STPG4: variants seen among roughly 807,000 people sequenced by gnomAD.
STPG4 encodes protein STPG4.
In STPG4, 41 loss-of-function variants were observed where a neutral mutation model predicts 31.5. The observed-to-expected ratio is 1.30, with a 90% CI of 1.01 to 1.69. The LOEUF is 1.69. Among genes scored for constraint, STPG4 ranks in the 40% most tolerant of loss-of-function variants. The probability of loss-of-function intolerance (pLI) is 0.00; values close to 1 mark genes in which losing one functional copy is unlikely to be tolerated. For missense variants in STPG4, 375 were observed against 293.4 expected (o/e 1.28, Z -2.03); for synonymous variants, 141 against 103.0 (o/e 1.37, Z -2.24).
intron 5 of STPG4, among the ~76,000 whole-genome samples, chr2:47,109,585 C>T (rs1415668244): frequency 1.3e-5 from 2 of 150,202 alleles, no homozygotes; most frequent in Non-Finnish European, 3.0e-5. Context: ...AATTCTAGCA[C>T]ATCTATAAGC....
At chr2:47,125,890 T>C (rs1319059105) in intron 5 of STPG4, among the ~76,000 whole-genome samples, 2 of 152,182 alleles carry the variant, frequency 1.3e-5, no homozygotes, top group Non-Finnish European at 2.9e-5. Flanking sequence ...TTTGATTTGA[T>C]TTTTGTAAAA....
chr2:47,095,079 G>A (rs1348730642), intron 5 of STPG4, among the ~76,000 whole-genome samples: 2 of 152,178 alleles, frequency 1.3e-5, no homozygotes, highest in Non-Finnish European at 2.9e-5. Context: ...AAGTTGTTAG[G>A]CATCAAATTC....
chr2:47,091,169 G>GGAGGGGAAGGAAGGAGA (rs1685563176), intron 5 of STPG4, among the ~76,000 whole-genome samples: 1 of 146,886 alleles, frequency 6.8e-6, no homozygotes, highest in African/African-American at 2.5e-5. Context: ...AGGGAGGGAG[G>GGAGGGGAAGGAAGGAGA]GAGGGGAAGG....
chr2:47,144,911 C>T (rs954249042), intron 3 of STPG4, among the ~76,000 whole-genome samples: 1 of 152,030 alleles, frequency 6.6e-6, no homozygotes, highest in Admixed American at 6.6e-5. Context: ...TTTGTATTTT[C>T]AGTAGAGATG....
intron 3 of STPG4, among the ~76,000 whole-genome samples, chr2:47,145,417 C>T (rs1048138974): frequency 6.6e-6 from 1 of 152,190 alleles, no homozygotes; most frequent in African/African-American, 2.4e-5. Context: ...GAGATTATAA[C>T]CATGGGCTGT....
chr2:47,127,370 G>A (rs1686387413), intron 5 of STPG4, among the ~76,000 whole-genome samples: 1 of 142,796 alleles, frequency 7.0e-6, no homozygotes, highest in African/African-American at 2.6e-5. Context: ...CCAGGTTCAA[G>A]CGATTCTCAT....
At chr2:47,093,936 T>G (rs1685622380) in intron 5 of STPG4, among the ~76,000 whole-genome samples, 2 of 152,236 alleles carry the variant, frequency 1.3e-5, no homozygotes, top group Admixed American at 6.5e-5. Context: ...GAGTCCCCAC[T>G]GCTGCCCCAT....
intron 3 of STPG4, among the ~76,000 whole-genome samples, chr2:47,136,730 G>C (rs1036802163): frequency 6.6e-6 from 1 of 152,182 alleles, no homozygotes; most frequent in South Asian, 2.1e-4. Context: ...ATGGAAGAGA[G>C]AGAAAGGCAT....
chr2:47,089,308 C>G (rs1003670288), intron 6 of STPG4, among the ~76,000 whole-genome samples: 1 of 152,220 alleles, frequency 6.6e-6, no homozygotes, highest in African/African-American at 2.4e-5. Flanking sequence ...AGGGCCTCCC[C>G]ATTATCACTC....
intron 6 of STPG4, 89 bp downstream of exon 6, chr2:47,090,181 C>G: frequency 1.2e-6 from 1 of 847,230 alleles, no homozygotes; most frequent in Non-Finnish European, 1.9e-6. Flanking sequence ...ACCACCACCC[C>G]GCACCTCCTA....
At position 47,134,040 on chromosome 2, in the gene STPG4, A is replaced by G. The variant is rs186520179; in HGVS notation, c.400-3780T>C. On this transcript the variant is annotated intron_variant, in intron 3 of 6. Coordinates refer to ENST00000445927, the MANE Select transcript of STPG4 (RefSeq NM_001163561.2). ...TCTTGGTGTGACTACATATACACAT[A>G]CATATACATATACATATACATATAC... is the stretch of plus-strand genomic sequence containing the variant. Among the ~76,000 whole-genome samples, 468 of 152,228 alleles carry G rather than the reference A, an allele frequency of 3.1e-3. 6 individuals carry two copies. Among genetic ancestry groups the G allele is most frequent in the African/African-American group, 0.01 (436 of 41,548 alleles).
intron 3 of STPG4, among the ~76,000 whole-genome samples, chr2:47,150,209 G>A (rs1686907699): frequency 6.6e-6 from 1 of 152,218 alleles, no homozygotes; most frequent in Non-Finnish European, 1.5e-5. Flanking sequence ...ATGTATTAGT[G>A]AAGGTCCAGT....
intron 5 of STPG4, among the ~76,000 whole-genome samples, chr2:47,126,292 T>C (rs570872876): frequency 2.0e-5 from 3 of 152,068 alleles, no homozygotes; most frequent in African/African-American, 7.2e-5. Context: ...CTTCCTCCTC[T>C]TCCTCTTCTT....
chr2:47,132,499 G>C (rs1395611346), intron 3 of STPG4, among the ~76,000 whole-genome samples: 1 of 152,206 alleles, frequency 6.6e-6, no homozygotes, highest in Non-Finnish European at 1.5e-5. Context: ...TTTGTGGATA[G>C]AGTGATGATA....
intron 5 of STPG4, among the ~76,000 whole-genome samples, chr2:47,109,473 C>A (rs565222048): frequency 1.2e-3 from 174 of 150,724 alleles, no homozygotes; most frequent in Non-Finnish European, 2.3e-3. Context: ...TGGAGAATCA[C>A]TTGAACCTGG....
At chr2:47,143,752 T>G (rs1259761979) in intron 3 of STPG4, among the ~76,000 whole-genome samples, 3 of 152,162 alleles carry the variant, frequency 2.0e-5, no homozygotes, top group Admixed American at 1.3e-4. Flanking sequence ...CCTCCCAAAG[T>G]GCTGGGATTA....
At chr2:47,105,809 G>C (rs557069568) in intron 5 of STPG4, among the ~76,000 whole-genome samples, 3 of 152,062 alleles carry the variant, frequency 2.0e-5, no homozygotes, top group Non-Finnish European at 4.4e-5. Flanking sequence ...TATACAGATA[G>C]CAAGTATGCT....
Position 47,090,382 on chromosome 2 carries a change from A to T in STPG4, c.520-8T>A. ...TGGACCAGGGCCTTCATGCTATTGA[A>T]CATTTAAAAAATTGCTTCATTATTA... On this transcript the variant is annotated splice_polypyrimidine_tract_variant and splice_region_variant and intron_variant, in intron 5 of 6. Transcript: ENST00000445927. 1 of 1,530,334 alleles carries T rather than the reference A, an allele frequency of 6.5e-7. No individual in the cohort carries two copies. The highest frequency in any genetic ancestry group is 2.4e-5 in the East Asian group (1 of 40,824). The allele number at this position is 1,530,334 out of a possible 1,614,324, so 94.8% of individuals were successfully genotyped here. A position where few individuals can be genotyped will look rare whatever the true frequency, so the allele number is the denominator to read the frequency against.
chr2:47,115,215 C>T (rs1686121609), intron 5 of STPG4, among the ~76,000 whole-genome samples: 1 of 151,914 alleles, frequency 6.6e-6, no homozygotes, highest in South Asian at 2.1e-4. Context: ...TGAAACATTC[C>T]TTCTAGAGTT....
Sources: gnomAD v4.1 joint callset for allele counts (sites outside exome capture counted in the v4.1 genomes callset) on GRCh38, gnomAD v4.1.1 for gene constraint, MANE v1.5 for transcripts, NCBI Gene and HGNC (gene_info 2026-07-23, HGNC 2026-07-21) for gene names.